GPC5: variants seen among roughly 807,000 people sequenced by gnomAD.
GPC5 encodes the protein glypican 5.
GPC5 carries 47 observed loss-of-function variants against 53.9 expected under a neutral mutation model. The observed-to-expected ratio is 0.87, with a 90% CI of 0.69 to 1.11. The LOEUF is 1.11. Among genes scored for constraint, GPC5 ranks in the 50% most tolerant of loss-of-function variants. The pLI, the probability that GPC5 is intolerant of heterozygous loss-of-function variation, is 0.00. For synonymous variants in GPC5, 286 were observed against 263.3 expected, an observed-to-expected ratio of 1.09 and a Z score of -0.84; for missense variants, 748 against 713.1, an observed-to-expected ratio of 1.05 and a Z score of -0.56.
At position 91,594,925 on chromosome 13, in the gene GPC5, C is replaced by T. The variant is rs368234869; in HGVS notation, c.326-98262C>T. Among the ~76,000 whole-genome samples, 243 of 152,120 alleles carry T rather than the reference C, an allele frequency of 1.6e-3. 2 individuals carry two copies. In the South Asian group the frequency reaches 0.045, roughly 28 times the overall value. Reference sequence around the variant, plus strand: ...CCTCAAGCAGTCTTTCCATCTTGAGCTCCCAAAGTTCTGGAATTACAGGCA... The same window carrying T: ...CCTCAAGCAGTCTTTCCATCTTGAGTTCCCAAAGTTCTGGAATTACAGGCA... On this transcript the variant is annotated intron_variant, in intron 2 of 7. Coordinates refer to ENST00000377067, the MANE Select transcript of GPC5 (RefSeq NM_004466.6).
At position 92,144,988 on chromosome 13, in the gene GPC5, C is replaced by A. The variant is rs374106855; in HGVS notation, c.1560C>A (p.Asp520Glu). ...GEVKRTLKIT[D>E]WMPDDMNFSD... ...TCAAGAGGACACTGAAGATCACAGA[C>A]TGTAAGTGTATGATTCTAACACCAC... Residue 520 changes from aspartate to glutamate, a missense_variant and splice_region_variant, in exon 7 of 8, where the codon GAC becomes GAA. Coordinates refer to ENST00000377067, the MANE Select transcript of GPC5 (RefSeq NM_004466.6). 20 of 1,460,788 alleles carry A rather than the reference C, an allele frequency of 1.4e-5. No individual in the cohort carries two copies. The highest frequency in any genetic ancestry group is 1.8e-5 in the Non-Finnish European group (20 of 1,106,322). The allele number at this position is 1,460,788 out of a possible 1,614,324, so 90.5% of individuals were successfully genotyped here. A position where few individuals can be genotyped will look rare whatever the true frequency, so the allele number is the denominator to read the frequency against.
At chr13:92,282,486 G>T (rs150720684) in intron 7 of GPC5, among the ~76,000 whole-genome samples, 1 of 152,122 alleles carries the variant, frequency 6.6e-6, no homozygotes, top group African/African-American at 2.4e-5. Context: ...AATGTTAAGG[G>T]CAGCAAGAGA....
chr13:91,552,898 A>C (rs2030729784), intron 2 of GPC5, among the ~76,000 whole-genome samples: 1 of 152,140 alleles, frequency 6.6e-6, no homozygotes, highest in Admixed American at 6.6e-5. Flanking sequence ...TATGGATTCT[A>C]ATACACACAT....
At chr13:91,410,219 A>G (rs553753399) in intron 1 of GPC5, among the ~76,000 whole-genome samples, 55 of 152,308 alleles carry the variant, frequency 3.6e-4, no homozygotes, top group African/African-American at 1.3e-3. Flanking sequence ...GTAAACAGTA[A>G]TAGTCTCTAC....
chr13:91,476,155 G>A (rs976615777), intron 2 of GPC5, among the ~76,000 whole-genome samples: 5 of 152,080 alleles, frequency 3.3e-5, no homozygotes, highest in Admixed American at 6.6e-5. Flanking sequence ...AGGATGCTTC[G>A]CAGCATCTTG....
At chr13:91,708,328 G>A (rs920960390) in intron 3 of GPC5, among the ~76,000 whole-genome samples, 10 of 151,494 alleles carry the variant, frequency 6.6e-5, no homozygotes, top group East Asian at 1.9e-4. Context: ...TTGGGTTTCC[G>A]TATGTATATG....
chr13:92,115,813 C>T (rs546567207), intron 6 of GPC5, among the ~76,000 whole-genome samples: 2 of 152,216 alleles, frequency 1.3e-5, no homozygotes, highest in African/African-American at 4.8e-5. Flanking sequence ...CACCCCCCAC[C>T]CCCACCGCAA....
chr13:91,938,510 C>T (rs1225304077), intron 6 of GPC5, among the ~76,000 whole-genome samples: 4 of 152,104 alleles, frequency 2.6e-5, no homozygotes, highest in Non-Finnish European at 5.9e-5. Context: ...GACATCCAAA[C>T]CATATCACTA....
At chr13:92,130,687 C>T (rs1486482872) in intron 6 of GPC5, among the ~76,000 whole-genome samples, 1 of 151,948 alleles carries the variant, frequency 6.6e-6, no homozygotes, top group Non-Finnish European at 1.5e-5. Context: ...ATATAATTAA[C>T]TTGTCTTTTA....
intron 7 of GPC5, among the ~76,000 whole-genome samples, chr13:92,475,890 A>G (rs1462855047): frequency 2.6e-5 from 4 of 152,096 alleles, no homozygotes; most frequent in Non-Finnish European, 5.9e-5. Context: ...ACAAAAATCA[A>G]TTCAAGATGG....
chr13:91,872,634 A>G (rs2039158626), intron 5 of GPC5, among the ~76,000 whole-genome samples: 1 of 152,182 alleles, frequency 6.6e-6, no homozygotes, highest in South Asian at 2.1e-4. Context: ...ATATATCAAT[A>G]TGAAATATAG....
chr13:91,563,778 C>T (rs1477278058), intron 2 of GPC5, among the ~76,000 whole-genome samples: 1 of 152,086 alleles, frequency 6.6e-6, no homozygotes, highest in Non-Finnish European at 1.5e-5. Context: ...TTTCCCTTCA[C>T]TCTGACCAAT....
intron 6 of GPC5, among the ~76,000 whole-genome samples, chr13:92,050,540 TG>T: frequency 6.6e-6 from 1 of 152,202 alleles, no homozygotes; most frequent in African/African-American, 2.4e-5. Context: ...GCCAAGTCCC[TG>T]AGTCCAGTAG....
chr13:92,755,744 T>C (rs1874832515), intron 7 of GPC5, among the ~76,000 whole-genome samples: 2 of 139,636 alleles, frequency 1.4e-5, no homozygotes, highest in South Asian at 5.2e-4. Context: ...AATGGATAAA[T>C]TCCTCGACAC....
intron 6 of GPC5, among the ~76,000 whole-genome samples, chr13:92,040,616 G>C (rs762086972): frequency 9.9e-5 from 15 of 152,134 alleles, no homozygotes; most frequent in Non-Finnish European, 1.5e-4. Flanking sequence ...GGGAGAAGGT[G>C]CTCCTTACAA....
At chr13:92,310,698 C>A (rs1324210818) in intron 7 of GPC5, among the ~76,000 whole-genome samples, 1 of 152,114 alleles carries the variant, frequency 6.6e-6, no homozygotes, top group Non-Finnish European at 1.5e-5. Context: ...CTCTCATTTT[C>A]TATTTTAAAA....
chr13:92,041,022 T>C (rs1420753956), intron 6 of GPC5, among the ~76,000 whole-genome samples: 1 of 151,864 alleles, frequency 6.6e-6, no homozygotes, highest in Non-Finnish European at 1.5e-5. Context: ...GGATAATTTT[T>C]TGTATTTTTA....
intron 3 of GPC5, among the ~76,000 whole-genome samples, chr13:91,695,376 T>TTA (rs1439648554): frequency 6.6e-6 from 1 of 151,450 alleles, no homozygotes; most frequent in African/African-American, 2.4e-5. Flanking sequence ...ATTATTATTA[T>TTA]TTATTTATTT....
intron 7 of GPC5, among the ~76,000 whole-genome samples, chr13:92,362,926 G>C (rs1405651527): frequency 6.6e-6 from 1 of 151,664 alleles, no homozygotes; most frequent in African/African-American, 2.4e-5. Flanking sequence ...CTCACTGCCT[G>C]GAGTTTTCAG....
Sources: gnomAD v4.1 joint callset for allele counts (sites outside exome capture counted in the v4.1 genomes callset) on GRCh38, gnomAD v4.1.1 for gene constraint, MANE v1.5 for transcripts, NCBI Gene and HGNC (gene_info 2026-07-23, HGNC 2026-07-21) for gene names.